CCDC158: variants seen among roughly 807,000 people sequenced by gnomAD.
CCDC158 encodes coiled-coil domain-containing protein 158.
Under a neutral mutation model 138.6 loss-of-function variants are expected in CCDC158, and 116 were observed. The observed-to-expected ratio is 0.84, with a 90% CI of 0.72 to 0.98. The LOEUF is 0.98. CCDC158 is among the 50% of genes least tolerant of loss of function. The probability of loss-of-function intolerance (pLI) is 0.00; values close to 1 mark genes in which losing one functional copy is unlikely to be tolerated. For missense variants in CCDC158, 1,265 were observed against 1,306.1 expected (o/e 0.97, Z 0.48); for synonymous variants, 436 against 442.4 (o/e 0.99, Z 0.18).
At chr4:76,319,107 T>C (rs1719696788) in intron 24 of CCDC158, among the ~76,000 whole-genome samples, 1 of 151,840 alleles carries the variant, frequency 6.6e-6, no homozygotes, top group Non-Finnish European at 1.5e-5. Context: ...CCTGTCTCTA[T>C]TAAAAATGCA....
intron 14 of CCDC158, among the ~76,000 whole-genome samples, chr4:76,357,131 GA>G (rs1406682237): frequency 1.3e-5 from 2 of 152,128 alleles, no homozygotes; most frequent in African/African-American, 4.8e-5. Flanking sequence ...AGAAATTACT[GA>G]AATAGCCACT....
rs762632340 is a variant in CCDC158, at chr4:76,367,725, T to C, written c.1399A>G (p.Thr467Ala). The part of the protein sequence containing the change: ...NESLEKVSSL[T>A]AQLESTKEML... ...TCTTTGGTGGATTCAAGCTGAGCAGTCAAGGAGGATACTTTTTCTAGACTT... is the reference window on the plus strand; with the variant it reads ...TCTTTGGTGGATTCAAGCTGAGCAGCCAAGGAGGATACTTTTTCTAGACTT... The change falls in exon 12 of 25, where the codon ACT (threonine) becomes GCT (alanine). Residue 467 changes from threonine to alanine, a missense_variant. Thr to Ala is a moderately conservative substitution (Grantham distance 58, BLOSUM62 0). Coordinates refer to ENST00000682701, the MANE Select transcript of CCDC158 (RefSeq NM_001394954.1). The C allele has an allele frequency of 4.3e-6, 7 of 1,610,936 alleles. No homozygotes were observed. In the Admixed American group the frequency reaches 1.2e-4, roughly 27 times the overall value.
intron 11 of CCDC158, 58 bp downstream of exon 11, chr4:76,369,368 A>C (rs1290521464): frequency 1.5e-5 from 23 of 1,521,416 alleles, no homozygotes; most frequent in Non-Finnish European, 2.1e-5. Context: ...TAGACATAAA[A>C]TATTTATTTC....
chr4:76,385,242 C>T lies in CCDC158; in HGVS notation c.289-577G>A, dbSNP rs532418950. Among the ~76,000 whole-genome samples the T allele has an allele frequency of 5.9e-5, 9 of 152,062 alleles. No homozygotes were observed. In the East Asian group the frequency reaches 1.7e-3, roughly 29 times the overall value. On this transcript the variant is annotated intron_variant, in intron 4 of 24. Coordinates refer to ENST00000682701, the MANE Select transcript of CCDC158 (RefSeq NM_001394954.1). ...AAGTTTGCCATCAGATTTTTTATTG[C>T]CTAATTGTAGAATATAAACAGAAAA...
At chr4:76,375,352 T>C (rs777357530) in intron 9 of CCDC158, 88 of 432,040 alleles carry the variant, frequency 2.0e-4, no homozygotes, top group African/African-American at 1.6e-3. Context: ...CGAGGTTTGG[T>C]TTGTCTGTTG....
intron 20 of CCDC158, among the ~76,000 whole-genome samples, chr4:76,331,762 G>A (rs1023140162): frequency 1.3e-5 from 2 of 152,218 alleles, no homozygotes; most frequent in Admixed American, 6.5e-5. Context: ...AGAGAGATTC[G>A]TGTGACCACT....
At chr4:76,326,232 G>A (rs1200386257) in intron 22 of CCDC158, among the ~76,000 whole-genome samples, 2 of 152,086 alleles carry the variant, frequency 1.3e-5, no homozygotes, top group African/African-American at 2.4e-5. Flanking sequence ...GGGATCCTGA[G>A]GTCTAGCTTC....
chr4:76,417,350 A>G (rs1286119243), intron 1 of CCDC158, among the ~76,000 whole-genome samples: 1 of 152,026 alleles, frequency 6.6e-6, no homozygotes, highest in Non-Finnish European at 1.5e-5. Context: ...CTCGTCTCAG[A>G]TGAGACTTTG....
intron 9 of CCDC158, among the ~76,000 whole-genome samples, chr4:76,377,974 T>C (rs1725869561): frequency 6.6e-6 from 1 of 152,032 alleles, no homozygotes; most frequent in Non-Finnish European, 1.5e-5. Flanking sequence ...CTTGCTTCAG[T>C]TGCATGTGTG....
intron 10 of CCDC158, 102 bp from the exon 11 acceptor site, chr4:76,369,725 C>A: frequency 1.0e-6 from 1 of 986,336 alleles, no homozygotes; most frequent in Non-Finnish European, 1.5e-6. Context: ...TGATTTCAGA[C>A]ACCTTTGATT....
intron 18 of CCDC158, chr4:76,344,894 G>A (rs1233629498): frequency 1.9e-5 from 29 of 1,553,952 alleles, no homozygotes; most frequent in Non-Finnish European, 2.6e-5. Flanking sequence ...AAGCCTAAGT[G>A]TTAGGTGGAA....
intron 15 of CCDC158, among the ~76,000 whole-genome samples, chr4:76,353,667 A>G (rs1333638193): frequency 1.3e-5 from 2 of 152,136 alleles, no homozygotes; most frequent in African/African-American, 2.4e-5. Flanking sequence ...AGTTTTATGG[A>G]TTTCTATTTT....
intron 4 of CCDC158, among the ~76,000 whole-genome samples, chr4:76,391,827 A>G (rs1727341247): frequency 6.6e-6 from 1 of 151,744 alleles, no homozygotes; most frequent in Non-Finnish European, 1.5e-5. Context: ...AGACAAAAAA[A>G]GGATACATTA....
intron 22 of CCDC158, 146 bp downstream of exon 22, chr4:76,328,754 C>T (rs1332425858): frequency 1.5e-6 from 1 of 653,240 alleles, no homozygotes; most frequent in Non-Finnish European, 2.8e-6. Context: ...GTGGATAAAA[C>T]AGAATGCATG....
At chr4:76,404,022 A>T (rs1728618937) in intron 2 of CCDC158, among the ~76,000 whole-genome samples, 1 of 152,156 alleles carries the variant, frequency 6.6e-6, no homozygotes. Context: ...TAGCCCTGAC[A>T]ATGGGGTAAG....
intron 2 of CCDC158, among the ~76,000 whole-genome samples, chr4:76,404,026 G>C (rs1273611770): frequency 1.3e-5 from 2 of 152,118 alleles, no homozygotes; most frequent in Non-Finnish European, 2.9e-5. Context: ...CCTGACAATG[G>C]GGTAAGGGTT....
At chr4:76,396,168 T>C (rs1240866896) in intron 4 of CCDC158, 101 bp downstream of exon 4, 17 of 743,162 alleles carry the variant, frequency 2.3e-5, no homozygotes, top group Non-Finnish European at 3.3e-5. Flanking sequence ...ATTTGTTAGT[T>C]TTTTCTTCCA....
At chr4:76,320,160 G>A (rs10011260) in intron 24 of CCDC158, among the ~76,000 whole-genome samples, 4,464 of 152,134 alleles carry the variant, frequency 0.029, 217 homozygotes, top group African/African-American at 0.1. Flanking sequence ...GACCAAGCTT[G>A]GTATCAATTC....
At chr4:76,344,598 G>T in intron 18 of CCDC158, 1 of 1,318,454 alleles carries the variant, frequency 7.6e-7, no homozygotes, top group Non-Finnish European at 1.1e-6. Context: ...GCTTCAGGTT[G>T]ACATACCTGA....
Sources: allele counts gnomAD v4.1 joint callset (sites outside exome capture counted in the v4.1 genomes callset), GRCh38; gene constraint gnomAD v4.1.1; transcripts MANE v1.5; gene names NCBI Gene and HGNC (gene_info 2026-07-23, HGNC 2026-07-21).